The following ARHGAP15 variants were observed in gnomAD, a reference collection of about 807,000 sequenced individuals.
ARHGAP15 encodes Rho GTPase activating protein 15.
Under a neutral mutation model 63.7 loss-of-function variants are expected in ARHGAP15, and 51 were observed. The ratio of observed to expected loss-of-function variants is 0.80; its 90% CI spans 0.64 to 1.01. ARHGAP15 has a LOEUF of 1.01. Ranked by LOEUF, ARHGAP15 falls within the 50% of genes least tolerant of loss-of-function variation. The pLI is 0.00. For missense variants in ARHGAP15, 560 were observed against 564.6 expected (o/e 0.99, Z 0.08); for synonymous variants, 191 against 193.8 (o/e 0.99, Z 0.12).
At chr2:143,541,888 C>G (rs1173951951) in intron 10 of ARHGAP15, among the ~76,000 whole-genome samples, 1 of 152,232 alleles carries the variant, frequency 6.6e-6, no homozygotes, top group African/African-American at 2.4e-5. Flanking sequence ...GGGCGAACCA[C>G]TACTCTCTTC....
chr2:143,534,054 C>G (rs746624196), intron 10 of ARHGAP15, among the ~76,000 whole-genome samples: 9 of 152,174 alleles, frequency 5.9e-5, no homozygotes, highest in Non-Finnish European at 1.3e-4. Flanking sequence ...TATCCCCACC[C>G]ACATCTCTTC....
intron 12 of ARHGAP15, among the ~76,000 whole-genome samples, chr2:143,673,008 G>A (rs1004236640): frequency 9.2e-5 from 14 of 151,944 alleles, no homozygotes; most frequent in Non-Finnish European, 1.9e-4. Flanking sequence ...AATATAAGAG[G>A]CATTAAGAAT....
At chr2:143,662,712 G>A (rs1292641484) in intron 12 of ARHGAP15, among the ~76,000 whole-genome samples, 1 of 89,996 alleles carries the variant, frequency 1.1e-5, no homozygotes, top group African/African-American at 3.7e-5. Flanking sequence ...ATACAGAGAA[G>A]TGCTTAAAGG....
In ARHGAP15 at chr2:143,259,027, T is replaced by TCC. The variant is rs1188207837; in HGVS notation, c.474+8427_474+8428insCC. On this transcript the variant is annotated intron_variant, in intron 6 of 13. Coordinates refer to ENST00000295095, the MANE Select transcript of ARHGAP15 (RefSeq NM_018460.4). ...AAAGACCTTGATTGTGGTCTTTTTT[T>TCC]TTTTCTTGAAGTTGAATTTTAAGCA... Among the ~76,000 whole-genome samples the TCC allele has an allele frequency of 1.3e-3, 201 of 152,234 alleles. 2 individuals are homozygous for TCC. The highest frequency in any genetic ancestry group is 4.6e-3 in the African/African-American group (191 of 41,572).
chr2:143,314,055 T>G (rs1247953561), intron 6 of ARHGAP15, among the ~76,000 whole-genome samples: 1 of 151,900 alleles, frequency 6.6e-6, no homozygotes, highest in Non-Finnish European at 1.5e-5. Context: ...AGAAAGCACA[T>G]GGTCTTTCTC....
chr2:143,546,714 A>C (rs1695349092), intron 10 of ARHGAP15, among the ~76,000 whole-genome samples: 1 of 152,160 alleles, frequency 6.6e-6, no homozygotes, highest in South Asian at 2.1e-4. Context: ...CATACTACCA[A>C]ATGAATGATT....
chr2:143,412,715 T>A (rs920361854), intron 6 of ARHGAP15, among the ~76,000 whole-genome samples: 2 of 139,794 alleles, frequency 1.4e-5, no homozygotes, highest in African/African-American at 5.3e-5. Flanking sequence ...TGGCTTAATG[T>A]GTTTCAGCAG....
chr2:143,233,790 A>G (rs1478381377), intron 5 of ARHGAP15, among the ~76,000 whole-genome samples: 1 of 151,780 alleles, frequency 6.6e-6, no homozygotes, highest in Non-Finnish European at 1.5e-5. Flanking sequence ...GATTACAGAC[A>G]CGCACCACCA....
intron 13 of ARHGAP15, among the ~76,000 whole-genome samples, chr2:143,729,155 G>T (rs1054945165): frequency 6.6e-6 from 1 of 152,198 alleles, no homozygotes; most frequent in African/African-American, 2.4e-5. Flanking sequence ...CCATTTGTTA[G>T]TATTGTTCTG....
At chr2:143,370,608 T>C (rs2104912328) in intron 6 of ARHGAP15, among the ~76,000 whole-genome samples, 1 of 152,352 alleles carries the variant, frequency 6.6e-6, no homozygotes, top group East Asian at 1.9e-4. Flanking sequence ...AATTATCTAA[T>C]TAGAAGGCAA....
chr2:143,633,275 A>G (rs1262240585), intron 12 of ARHGAP15, among the ~76,000 whole-genome samples: 1 of 152,152 alleles, frequency 6.6e-6, no homozygotes, highest in East Asian at 1.9e-4. Context: ...TATATTCATA[A>G]TGAAATTGAA....
At chr2:143,129,509 C>T (rs976473143) in intron 1 of ARHGAP15, 43 bp downstream of exon 1, 1 of 152,116 alleles carries the variant, frequency 6.6e-6, no homozygotes, top group Non-Finnish European at 1.5e-5. Flanking sequence ...TAAACTTGAA[C>T]ATGTTCGGCA....
At chr2:143,288,768 T>A (rs1328247228) in intron 6 of ARHGAP15, among the ~76,000 whole-genome samples, 2 of 150,844 alleles carry the variant, frequency 1.3e-5, no homozygotes, top group African/African-American at 4.9e-5. Context: ...AGGTGCCATC[T>A]CAGCAGAAGA....
At chr2:143,349,521 G>A (rs1685463132) in intron 6 of ARHGAP15, among the ~76,000 whole-genome samples, 1 of 152,202 alleles carries the variant, frequency 6.6e-6, no homozygotes, top group South Asian at 2.1e-4. Context: ...GAAATTGAGT[G>A]AGGGTCACTT....
chr2:143,437,136 A>G, intron 8 of ARHGAP15, 94 bp downstream of exon 8: 1 of 1,361,586 alleles, frequency 7.3e-7, no homozygotes, highest in Non-Finnish European at 9.9e-7. Context: ...AGCCAAACTC[A>G]TCATACTCAT....
chr2:143,317,344 T>C (rs948266038), intron 6 of ARHGAP15, among the ~76,000 whole-genome samples: 2 of 152,218 alleles, frequency 1.3e-5, no homozygotes, highest in African/African-American at 4.8e-5. Flanking sequence ...GAACACCTAA[T>C]ATATGTCACT....
At chr2:143,402,563 A>G (rs1285020974) in intron 6 of ARHGAP15, among the ~76,000 whole-genome samples, 1 of 33,674 alleles carries the variant, frequency 3.0e-5, no homozygotes, top group South Asian at 1.1e-3. Context: ...AGCTAATTTT[A>G]TTTTCTAAAT....
At chr2:143,375,235 C>T (rs1420635163) in intron 6 of ARHGAP15, among the ~76,000 whole-genome samples, 1 of 152,128 alleles carries the variant, frequency 6.6e-6, no homozygotes, top group Non-Finnish European at 1.5e-5. Context: ...GTAATAATTG[C>T]ATTACTAACA....
chr2:143,269,043 G>T (rs1433203955), intron 6 of ARHGAP15, among the ~76,000 whole-genome samples: 2 of 152,098 alleles, frequency 1.3e-5, no homozygotes, highest in African/African-American at 2.4e-5. Flanking sequence ...ATATCTTGAA[G>T]AAAGAGAAAA....
Sources: gnomAD v4.1 joint callset for allele counts (sites outside exome capture counted in the v4.1 genomes callset) on GRCh38, gnomAD v4.1.1 for gene constraint, MANE v1.5 for transcripts, NCBI Gene and HGNC (gene_info 2026-07-23, HGNC 2026-07-21) for gene names.